The following DPP6 variants were observed in gnomAD, a reference collection of about 807,000 sequenced individuals.
DPP6 encodes dipeptidyl peptidase like 6.
DPP6 carries 69 observed loss-of-function variants against 122.6 expected under a neutral mutation model. The observed-to-expected ratio is 0.56, with a 90% CI of 0.46 to 0.69. The LOEUF (loss-of-function observed/expected upper bound fraction) is 0.69, where lower values mean the gene tolerates loss of function less well. Among genes scored for constraint, DPP6 ranks in the 30% least tolerant of loss-of-function variants. The pLI is 0.00. For synonymous variants in DPP6, 418 were observed against 433.1 expected (o/e 0.97, Z 0.43); for missense variants, 928 against 1,116.9 (o/e 0.83, Z 2.41).
At chr7:154,701,432 G>A (rs938640980) in intron 7 of DPP6, among the ~76,000 whole-genome samples, 3 of 152,196 alleles carry the variant, frequency 2.0e-5, no homozygotes, top group Non-Finnish European at 4.4e-5. Context: ...TTCTCCACGT[G>A]TTTTGATTTT....
chr7:153,807,424 C>T, the DPP6 span, among the ~76,000 whole-genome samples: 2 of 145,166 alleles, frequency 1.4e-5, no homozygotes, highest in Non-Finnish European at 3.0e-5. Flanking sequence ...AACAAACAAA[C>T]AAACAAAAAA....
chr7:154,634,356 G>A (rs532235300), intron 5 of DPP6, among the ~76,000 whole-genome samples: 69 of 151,696 alleles, frequency 4.5e-4, no homozygotes, highest in South Asian at 8.4e-4. Flanking sequence ...ATTTTTTATG[G>A]CTGCATAGTA....
intron 5 of DPP6, among the ~76,000 whole-genome samples, chr7:154,595,014 T>TA (rs34819946): frequency 2.1e-4 from 11 of 52,436 alleles, no homozygotes; most frequent in Admixed American, 5.7e-4. Flanking sequence ...GTATCATTGA[T>TA]TTTTTTTTTG....
intron 5 of DPP6, among the ~76,000 whole-genome samples, chr7:154,595,180 C>A (rs1833020565): frequency 6.6e-6 from 1 of 152,152 alleles, no homozygotes; most frequent in Admixed American, 6.5e-5. Context: ...GACACGTCCT[C>A]TCCATCTTCC....
chr7:154,601,924 G>A (rs1281026113), intron 5 of DPP6, among the ~76,000 whole-genome samples: 2 of 120,832 alleles, frequency 1.7e-5, no homozygotes, highest in African/African-American at 5.3e-5. Context: ...TATTTTAAAT[G>A]TTACATTTGA....
intron 21 of DPP6, chr7:154,885,250 T>A (rs1304715552): frequency 5.2e-6 from 1 of 193,420 alleles, no homozygotes; most frequent in Non-Finnish European, 1.1e-5. Context: ...TCCCTCAGAA[T>A]CATGTGCAGT....
chr7:153,895,275 G>C (rs889955193), intron 1 of DPP6, among the ~76,000 whole-genome samples: 2 of 152,176 alleles, frequency 1.3e-5, no homozygotes, highest in African/African-American at 2.4e-5. Flanking sequence ...GGCTGCCCTC[G>C]ACCAGCAGAA....
intron 20 of DPP6, among the ~76,000 whole-genome samples, chr7:154,880,238 C>T (rs555609232): frequency 6.6e-6 from 1 of 152,294 alleles, no homozygotes; most frequent in South Asian, 2.1e-4. Flanking sequence ...CAATGCGGGG[C>T]AAGGTCCCAG....
the DPP6 span, among the ~76,000 whole-genome samples, chr7:153,750,890 T>A: frequency 9.9e-5 from 15 of 152,250 alleles, no homozygotes; most frequent in Admixed American, 9.8e-4. Flanking sequence ...TCAGTTCCTT[T>A]TCTCAAAGAA....
intron 16 of DPP6, among the ~76,000 whole-genome samples, chr7:154,828,420 T>C (rs1800359187): frequency 6.6e-6 from 1 of 152,184 alleles, no homozygotes. Context: ...GAAAGTGCTC[T>C]TCCCTGTCAC....
At chr7:154,369,645 C>T (rs1013298942) in intron 1 of DPP6, among the ~76,000 whole-genome samples, 2 of 152,260 alleles carry the variant, frequency 1.3e-5, no homozygotes, top group East Asian at 3.9e-4. Context: ...GGATTACAGG[C>T]GTGAGCCACC....
intron 7 of DPP6, 86 bp from the exon 8 acceptor site, chr7:154,727,681 G>T (rs75177355): frequency 1.2e-5 from 17 of 1,464,122 alleles, no homozygotes; most frequent in Non-Finnish European, 1.5e-5. Context: ...ATGAAAACCC[G>T]GTTGATGATT....
intron 14 of DPP6, 30 bp downstream of exon 14, chr7:154,803,985 T>C (rs2150456422): frequency 6.2e-7 from 1 of 1,608,902 alleles, no homozygotes; most frequent in Middle Eastern, 1.7e-4. Context: ...CTGCCCCATC[T>C]TACTGGCCAA....
At chr7:153,845,586 T>G in the DPP6 span, among the ~76,000 whole-genome samples, 1 of 152,074 alleles carries the variant, frequency 6.6e-6, no homozygotes, top group African/African-American at 2.4e-5. Context: ...ACCATGACTG[T>G]AATTACTGAT....
chr7:153,911,306 C>T (rs1800082320), intron 1 of DPP6, among the ~76,000 whole-genome samples: 1 of 152,178 alleles, frequency 6.6e-6, no homozygotes. Flanking sequence ...TGCCCCTTCC[C>T]CAGTATCATG....
At chr7:154,602,474 A>G (rs1290052992) in intron 5 of DPP6, among the ~76,000 whole-genome samples, 1 of 120,576 alleles carries the variant, frequency 8.3e-6, no homozygotes. Context: ...CTAGAGTGCA[A>G]TGGCACGATC....
chr7:154,299,212 G>A (rs149974079), intron 1 of DPP6, among the ~76,000 whole-genome samples: 37 of 152,280 alleles, frequency 2.4e-4, no homozygotes, highest in Non-Finnish European at 4.1e-4. Context: ...GGGTGCTGGC[G>A]TTGGGTTGCC....
chr7:153,908,668 C>A lies in DPP6; in HGVS notation c.51+20934C>A, dbSNP rs189117155. On this transcript the variant is annotated intron_variant, in intron 1 of 25. Coordinates refer to the DPP6 transcript ENST00000404039. Reference sequence around the variant, plus strand: ...TCTTCAAGGATTTCATTATACGATTCCTTATGAACACTGTCATAAAATGAG... The same window carrying A: ...TCTTCAAGGATTTCATTATACGATTACTTATGAACACTGTCATAAAATGAG... 7.1e-3 allele frequency among the ~76,000 whole-genome samples: 1,081 copies of A among 152,246 alleles called. 4 individuals carry two copies. Among genetic ancestry groups the A allele is most frequent in the Middle Eastern group, 0.014 (4 of 292 alleles).
At chr7:154,746,891 C>T (rs1563164064) in intron 8 of DPP6, among the ~76,000 whole-genome samples, 2 of 152,174 alleles carry the variant, frequency 1.3e-5, no homozygotes, top group Non-Finnish European at 2.9e-5. Flanking sequence ...GAAAATAAGT[C>T]GTTCAAGCTC....
Sources: gnomAD v4.1 joint callset for allele counts (sites outside exome capture counted in the v4.1 genomes callset) on GRCh38, gnomAD v4.1.1 for gene constraint, MANE v1.5 for transcripts, NCBI Gene and HGNC (gene_info 2026-07-23, HGNC 2026-07-21) for gene names.